The following CHD2 variants were observed in gnomAD, a reference collection of about 807,000 sequenced individuals.
CHD2 encodes the protein ATP-dependent chromatin remodeler CHD2.
Under a neutral mutation model 243.9 loss-of-function variants are expected in CHD2, and 28 were observed. The observed-to-expected ratio is 0.11, with a 90% CI of 0.09 to 0.16. The LOEUF (loss-of-function observed/expected upper bound fraction) is 0.16. Ranked by LOEUF, CHD2 falls within the 10% of genes least tolerant of loss-of-function variation. CHD2 has a pLI of 1.00. For synonymous variants in CHD2, 775 were observed against 779.0 expected (o/e 0.99, Z 0.09); for missense variants, 1,386 against 2,209.8 (o/e 0.63, Z 7.47).
At chr15:92,999,067 G>C (rs545305310) in intron 31 of CHD2, among the ~76,000 whole-genome samples, 4 of 118,550 alleles carry the variant, frequency 3.4e-5, no homozygotes, top group Non-Finnish European at 6.5e-5. Flanking sequence ...CTGGGCAACA[G>C]AGCGAGACTC....
intron 11 of CHD2, 30 bp downstream of exon 11, chr15:92,945,895 C>A: frequency 6.5e-7 from 1 of 1,540,230 alleles, no homozygotes; most frequent in South Asian, 1.2e-5. Context: ...TATAAATGTT[C>A]TTCAACATTT....
chr15:92,964,653 CAGGGA>C (rs1567144170), intron 16 of CHD2, among the ~76,000 whole-genome samples: 1 of 152,154 alleles, frequency 6.6e-6, no homozygotes, highest in Non-Finnish European at 1.5e-5. Context: ...GTGGCTCTGA[CAGGGA>C]GTACACATGA....
intron 2 of CHD2, chr15:92,905,076 T>C: frequency 7.3e-7 from 1 of 1,361,770 alleles, no homozygotes; most frequent in South Asian, 1.3e-5. Flanking sequence ...AATAGAAAAT[T>C]TCACGTTCAA....
intron 34 of CHD2, among the ~76,000 whole-genome samples, chr15:93,005,669 T>C (rs2054311163): frequency 6.6e-6 from 1 of 152,230 alleles, no homozygotes; most frequent in Admixed American, 6.5e-5. Flanking sequence ...CGTATGTATA[T>C]AGATATTGTT....
intron 17 of CHD2, among the ~76,000 whole-genome samples, chr15:92,970,917 G>A (rs2141834753): frequency 6.6e-6 from 1 of 152,126 alleles, no homozygotes; most frequent in Admixed American, 6.5e-5. Flanking sequence ...TTTGGAGTTT[G>A]TGGTTAAGGA....
intron 2 of CHD2, chr15:92,904,940 C>G (rs1231657185): frequency 6.5e-7 from 1 of 1,535,914 alleles, no homozygotes; most frequent in African/African-American, 1.4e-5. Flanking sequence ...ATTATTTGAA[C>G]TTGTCCCCAT....
chr15:92,929,602 G>C (rs1413509101), intron 5 of CHD2, among the ~76,000 whole-genome samples: 7 of 152,066 alleles, frequency 4.6e-5, no homozygotes, highest in African/African-American at 1.4e-4. Flanking sequence ...TTATAACATA[G>C]ATTTATATGT....
intron 31 of CHD2, 139 bp from the exon 32 acceptor site, chr15:93,000,373 T>G: frequency 1.2e-6 from 1 of 854,434 alleles, no homozygotes; most frequent in Non-Finnish European, 1.7e-6. Flanking sequence ...GTAAAATGAG[T>G]TGCACTCTTT....
intron 2 of CHD2, among the ~76,000 whole-genome samples, chr15:92,917,993 A>G (rs2052875275): frequency 6.6e-6 from 1 of 152,244 alleles, no homozygotes; most frequent in South Asian, 2.1e-4. Context: ...CCACAAAAAC[A>G]CTAAGCTCTG....
Position 93,000,698 on chromosome 15 carries a change from C to G in CHD2, c.4137+58C>G. ...ATTTATTTTAGCTATACTTATCATGCCAGCTGGAATAAAATCATCTGAAAT... is the reference window on the plus strand; with the variant it reads ...ATTTATTTTAGCTATACTTATCATGGCAGCTGGAATAAAATCATCTGAAAT... On this transcript the variant is annotated intron_variant, in intron 32 of 38. Coordinates refer to ENST00000394196, the MANE Select transcript of CHD2 (RefSeq NM_001271.4). The G allele has an allele frequency of 2.0e-6, 3 of 1,515,488 alleles. No homozygotes were observed. In the East Asian group the frequency reaches 6.8e-5, roughly 35 times the overall value. The allele number at this position is 1,515,488 out of a possible 1,614,324, so 93.9% of individuals were successfully genotyped here.
In CHD2 at chr15:92,941,952, G is replaced by A. The variant is rs1222297233; in HGVS notation, c.823G>A (p.Gly275Arg). The A allele has an allele frequency of 6.2e-7, 1 of 1,611,794 alleles. No homozygotes were observed. Among genetic ancestry groups the A allele is most frequent in the South Asian group, 1.1e-5 (1 of 90,690 alleles). Reference sequence around the variant, plus strand: ...CTTAGATTCAAGACTGGGAAAGAAAGGAGGTATGTGTATTTGGGGAGCAAA... The same window carrying A: ...CTTAGATTCAAGACTGGGAAAGAAAAGAGGTATGTGTATTTGGGGAGCAAA... ...KVLDSRLGKK[G>R]ATGASTTVYA... The change falls in exon 8 of 39, where the codon GGA becomes AGA. Residue 275 changes from glycine (G) to arginine (R), a missense_variant. Gly to Arg is a moderately radical substitution (Grantham distance 125). Transcript: ENST00000394196.
rs1331660361 is a variant in CHD2, at chr15:93,020,572, C to A, written c.5153+314C>A. On this transcript the variant is annotated intron_variant, in intron 38 of 38. Coordinates refer to ENST00000394196, the MANE Select transcript of CHD2 (RefSeq NM_001271.4). The stretch of plus-strand genomic sequence containing the variant: ...GCTCTGTGCGAGGCTGTCAGCCACA[C>A]TAGGTATCAGGGATCCCGAGATGGG... The A allele has an allele frequency of 5.5e-6, 3 of 543,572 alleles. No homozygotes were observed. In the African/African-American group the frequency reaches 5.7e-5, roughly 10 times the overall value. 33.7% of individuals were successfully genotyped at this position (543,572 alleles called of 1,614,324 possible). A position where few individuals can be genotyped will look rare whatever the true frequency, so the allele number is the denominator to read the frequency against.
chr15:92,921,968 A>G (rs557524713), intron 2 of CHD2, among the ~76,000 whole-genome samples: 2 of 152,308 alleles, frequency 1.3e-5, no homozygotes, highest in South Asian at 2.1e-4. Flanking sequence ...TAAATGACTC[A>G]GATGCTTTAG....
chr15:93,004,770 G>C lies in CHD2; in HGVS notation c.4413+19G>C, dbSNP rs376928152. 1 of 1,606,460 alleles carries C rather than the reference G, an allele frequency of 6.2e-7. No individual in the cohort carries two copies. The highest frequency in any genetic ancestry group is 8.5e-7 in the Non-Finnish European group (1 of 1,175,528). On this transcript the variant is annotated intron_variant, in intron 34 of 38. Coordinates refer to ENST00000394196, the MANE Select transcript of CHD2 (RefSeq NM_001271.4). ...CAGCATAGTAAGTCTTGAAATCGGG[G>C]GGTGCCAGTGTCTGCAGCCGCGGTA...
At chr15:92,912,293 G>A (rs1212887257) in intron 2 of CHD2, among the ~76,000 whole-genome samples, 1 of 152,158 alleles carries the variant, frequency 6.6e-6, no homozygotes, top group Non-Finnish European at 1.5e-5. Flanking sequence ...GTGGGTCTGT[G>A]GCATAGCTAG....
chr15:92,924,876 C>T (rs1193690268), intron 3 of CHD2, among the ~76,000 whole-genome samples: 1 of 152,160 alleles, frequency 6.6e-6, no homozygotes. Flanking sequence ...TCTTGGCTCA[C>T]TGCAATCTCC....
rs1430600150 is a variant in CHD2 at position 92,940,909 on chromosome 15, T to TATATAAATATAC, written c.693-901_693-890dup. On this transcript the variant is annotated intron_variant, in intron 7 of 38. Coordinates refer to ENST00000394196, the MANE Select transcript of CHD2 (RefSeq NM_001271.4). ...ATATATAAAAATATATATAAATATATATATAAATATACATATAAATATATA... is the reference window on the plus strand; with the variant it reads ...ATATATAAAAATATATATAAATATATATATAAATATACATATAAATATACATATAAATATATA... Among the ~76,000 whole-genome samples, 103 of 92,210 alleles carry TATATAAATATAC rather than the reference T, an allele frequency of 1.1e-3. 1 individual carries two copies. Among genetic ancestry groups the TATATAAATATAC allele is most frequent in the African/African-American group, 1.7e-3 (45 of 26,834 alleles). 60.5% of individuals were successfully genotyped at this position (92,210 alleles called of 152,430 possible). A position where few individuals can be genotyped will look rare whatever the true frequency, so the allele number is the denominator to read the frequency against.
At chr15:93,009,437 A>G (rs989316868) in intron 35 of CHD2, 114 bp downstream of exon 35, 4 of 1,015,978 alleles carry the variant, frequency 3.9e-6, no homozygotes, top group Non-Finnish European at 4.2e-6. Flanking sequence ...TCCCAGCACA[A>G]CTCATCTATT....
intron 5 of CHD2, among the ~76,000 whole-genome samples, chr15:92,936,702 G>T (rs544053381): frequency 2.0e-5 from 3 of 152,230 alleles, no homozygotes; most frequent in Admixed American, 2.0e-4. Flanking sequence ...GTATTCTAGA[G>T]ACTTAAAATA....
Sources: allele counts gnomAD v4.1 joint callset (sites outside exome capture counted in the v4.1 genomes callset), GRCh38; gene constraint gnomAD v4.1.1; transcripts MANE v1.5; gene names NCBI Gene and HGNC (gene_info 2026-07-23, HGNC 2026-07-21).